Variants in UBE2K observed in about 807,000 individuals in gnomAD.
The protein encoded by UBE2K is ubiquitin-conjugating enzyme E2 K.
UBE2K carries 6 observed loss-of-function variants against 30.0 expected under a neutral mutation model. That is an observed-to-expected ratio of 0.20 (90% CI 0.11 to 0.39). The LOEUF (loss-of-function observed/expected upper bound fraction) is 0.39, where lower values mean the gene tolerates loss of function less well. UBE2K is among the 10% of genes least tolerant of loss of function. The pLI is 1.00. For missense variants in UBE2K, 61 were observed against 241.6 expected (o/e 0.25, Z 4.96); for synonymous variants, 86 against 83.7 (o/e 1.03, Z -0.15).
At chr4:39,735,743 G>C (rs1473785108) in intron 1 of UBE2K, among the ~76,000 whole-genome samples, 4 of 152,166 alleles carry the variant, frequency 2.6e-5, no homozygotes, top group Non-Finnish European at 5.9e-5. Flanking sequence ...TACCAAAGTT[G>C]TTAATGATTT....
At chr4:39,713,015 CCCG>C (rs1718801327) in intron 1 of UBE2K, among the ~76,000 whole-genome samples, 1 of 151,858 alleles carries the variant, frequency 6.6e-6, no homozygotes, top group Non-Finnish European at 1.5e-5. Flanking sequence ...ACAGGCATGC[CCCG>C]CTAAGCCTGG....
Position 39,737,520 on chromosome 4 carries a change from A to G in UBE2K, c.157+7A>G. ...CCAGACACACCATATGAAGGCAAGT[A>G]CTTTTTTCTGTATCAAAATATTGTG... On this transcript the variant is annotated splice_region_variant and intron_variant, in intron 2 of 6. Coordinates refer to ENST00000261427, the MANE Select transcript of UBE2K (RefSeq NM_005339.5). The G allele has an allele frequency of 6.5e-7, 1 of 1,531,276 alleles. No individual in the cohort carries two copies. Among genetic ancestry groups the G allele is most frequent in the Non-Finnish European group, 8.8e-7 (1 of 1,138,758 alleles). The allele number at this position is 1,531,276 out of a possible 1,614,324, so 94.9% of individuals were successfully genotyped here.
At chr4:39,714,936 G>A (rs1190908861) in intron 1 of UBE2K, among the ~76,000 whole-genome samples, 2 of 151,624 alleles carry the variant, frequency 1.3e-5, no homozygotes, top group African/African-American at 2.4e-5. Context: ...TCTGCAGCCC[G>A]GAACTCCTGG....
intron 4 of UBE2K, among the ~76,000 whole-genome samples, chr4:39,756,620 T>C (rs1428225730): frequency 1.3e-5 from 2 of 151,886 alleles, no homozygotes; most frequent in Non-Finnish European, 2.9e-5. Flanking sequence ...ACCTGGCTAA[T>C]GTTTGTATTT....
chr4:39,702,017 T>C (rs1001047305), intron 1 of UBE2K, among the ~76,000 whole-genome samples: 1 of 151,974 alleles, frequency 6.6e-6, no homozygotes, highest in Admixed American at 6.6e-5. Context: ...TGCCTCAACC[T>C]CCCAAAGTGC....
intron 1 of UBE2K, among the ~76,000 whole-genome samples, chr4:39,723,150 C>G (rs1719520696): frequency 1.3e-5 from 2 of 151,428 alleles, no homozygotes; most frequent in South Asian, 2.1e-4. Flanking sequence ...CTCCAGGAAT[C>G]CTCCCACCTC....
intron 1 of UBE2K, among the ~76,000 whole-genome samples, chr4:39,722,941 G>A (rs960561592): frequency 5.3e-5 from 8 of 151,304 alleles, no homozygotes; most frequent in Non-Finnish European, 1.0e-4. Context: ...GATTACAGGC[G>A]CGCACCACCA....
At chr4:39,749,454 A>AT (rs1300329350) in intron 3 of UBE2K, among the ~76,000 whole-genome samples, 44 of 152,268 alleles carry the variant, frequency 2.9e-4, no homozygotes, top group African/African-American at 9.1e-4. Context: ...GCTTGAGCTC[A>AT]GAAGTTCATG....
At chr4:39,758,698 A>G (rs1252429943) in intron 4 of UBE2K, among the ~76,000 whole-genome samples, 2 of 152,110 alleles carry the variant, frequency 1.3e-5, no homozygotes, top group Non-Finnish European at 2.9e-5. Flanking sequence ...AAAAAAAAGA[A>G]AGAAAAAGTT....
chr4:39,729,706 A>G (rs1424172617), intron 1 of UBE2K, among the ~76,000 whole-genome samples: 2 of 151,978 alleles, frequency 1.3e-5, no homozygotes, highest in Non-Finnish European at 2.9e-5. Flanking sequence ...ATTATTCTTC[A>G]TGACCCTGAA....
At chr4:39,700,024 T>A (rs1717920508) in intron 1 of UBE2K, among the ~76,000 whole-genome samples, 1 of 152,036 alleles carries the variant, frequency 6.6e-6, no homozygotes, top group African/African-American at 2.4e-5. Context: ...TGAAAGCAGT[T>A]GTTGTTGCCA....
intron 3 of UBE2K, among the ~76,000 whole-genome samples, chr4:39,754,037 A>C (rs935507724): frequency 3.3e-5 from 5 of 152,100 alleles, no homozygotes; most frequent in Admixed American, 2.6e-4. Context: ...TCAAAAAAAA[A>C]GAGAGAGAGA....
chr4:39,748,342 C>G (rs528318021), intron 3 of UBE2K, among the ~76,000 whole-genome samples: 2 of 152,206 alleles, frequency 1.3e-5, no homozygotes, highest in African/African-American at 4.8e-5. Flanking sequence ...GATCCCTCCA[C>G]CTTGGCCTCC....
chr4:39,766,057 T>C (rs1712313349), intron 4 of UBE2K, among the ~76,000 whole-genome samples: 1 of 152,230 alleles, frequency 6.6e-6, no homozygotes, highest in African/African-American at 2.4e-5. Flanking sequence ...AATATTGTTA[T>C]GAACATTTAT....
chr4:39,749,732 A>AT (rs376719906), intron 3 of UBE2K, among the ~76,000 whole-genome samples: 43 of 152,192 alleles, frequency 2.8e-4, no homozygotes, highest in African/African-American at 9.6e-4. Context: ...TGGTGTTATC[A>AT]TCATACTTTT....
intron 4 of UBE2K, among the ~76,000 whole-genome samples, chr4:39,758,841 T>G (rs1403718590): frequency 6.6e-6 from 1 of 152,214 alleles, no homozygotes; most frequent in Non-Finnish European, 1.5e-5. Flanking sequence ...AAGTTGAATT[T>G]TTATACCAAA....
At chr4:39,702,275 A>C (rs1718074444) in intron 1 of UBE2K, among the ~76,000 whole-genome samples, 1 of 51,462 alleles carries the variant, frequency 1.9e-5, no homozygotes, top group Non-Finnish European at 3.9e-5. Flanking sequence ...TTTTTTTGAG[A>C]CGGAGTTTTG....
chr4:39,742,985 G>T (rs1244285096), intron 2 of UBE2K, among the ~76,000 whole-genome samples: 1 of 151,890 alleles, frequency 6.6e-6, no homozygotes, highest in Non-Finnish European at 1.5e-5. Context: ...GGTGGAGGTT[G>T]CAGTGAGCCA....
At chr4:39,719,021 G>C (rs572806238) in intron 1 of UBE2K, among the ~76,000 whole-genome samples, 1 of 152,260 alleles carries the variant, frequency 6.6e-6, no homozygotes, top group South Asian at 2.1e-4. Context: ...GAGGCACCAA[G>C]AGTGAGCAAG....
Sources: gnomAD v4.1 joint callset for allele counts (sites outside exome capture counted in the v4.1 genomes callset) on GRCh38, gnomAD v4.1.1 for gene constraint, MANE v1.5 for transcripts, NCBI Gene and HGNC (gene_info 2026-07-23, HGNC 2026-07-21) for gene names.